VMP1: variants seen among roughly 807,000 people sequenced by gnomAD.
VMP1 encodes the protein vacuole membrane protein 1, also known as ectopic P-granules autophagy protein 3 homolog.
VMP1 carries 11 observed loss-of-function variants against 56.0 expected under a neutral mutation model. The observed-to-expected ratio is 0.20, with a 90% confidence interval of 0.12 to 0.32. The LOEUF is 0.32. Ranked by LOEUF, VMP1 falls within the 10% of genes least tolerant of loss-of-function variation. The pLI, the probability that VMP1 is intolerant of heterozygous loss-of-function variation, is 1.00. For synonymous variants in VMP1, 149 were observed against 165.0 expected, an observed-to-expected ratio of 0.90 and a Z score of 0.74; for missense variants, 296 against 490.3, an observed-to-expected ratio of 0.60 and a Z score of 3.74.
chr17:59,738,025 G>A (rs1427194294), intron 4 of VMP1, among the ~76,000 whole-genome samples: 1 of 152,054 alleles, frequency 6.6e-6, no homozygotes, highest in Non-Finnish European at 1.5e-5. Flanking sequence ...GGCTGCCTTG[G>A]CCTCCAAAAA....
At chr17:59,822,577 G>C (rs879339222) in intron 10 of VMP1, among the ~76,000 whole-genome samples, 1 of 151,540 alleles carries the variant, frequency 6.6e-6, no homozygotes, top group African/African-American at 2.4e-5. Context: ...CACCTGCCTC[G>C]GCCCACCAAA....
intron 1 of VMP1, among the ~76,000 whole-genome samples, chr17:59,716,851 G>A (rs1276417514): frequency 6.6e-6 from 1 of 151,988 alleles, no homozygotes; most frequent in East Asian, 1.9e-4. Flanking sequence ...AACTGAATGA[G>A]GAAAAAGAGA....
intron 1 of VMP1, among the ~76,000 whole-genome samples, chr17:59,726,278 CAT>C (rs1482769559): frequency 8.1e-5 from 12 of 148,620 alleles, no homozygotes; most frequent in African/African-American, 2.9e-4. Context: ...TATGAACACA[CAT>C]AGTTTTTTTT....
chr17:59,794,219 C>CTTTTTTTT (rs574035691), intron 7 of VMP1, among the ~76,000 whole-genome samples: 1 of 64,646 alleles, frequency 1.5e-5, no homozygotes, highest in African/African-American at 6.6e-5. Flanking sequence ...CGCACCCGGC[C>CTTTTTTTT]TTTTTTTTTT....
At chr17:59,711,995 A>C (rs2033951330) in intron 1 of VMP1, among the ~76,000 whole-genome samples, 1 of 152,184 alleles carries the variant, frequency 6.6e-6, no homozygotes, top group Admixed American at 6.5e-5. Flanking sequence ...TAGCTCTATT[A>C]CTATGCAACT....
At chr17:59,774,065 A>C (rs1265290566) in intron 7 of VMP1, among the ~76,000 whole-genome samples, 180 bp downstream of exon 7, 1 of 152,098 alleles carries the variant, frequency 6.6e-6, no homozygotes, top group Non-Finnish European at 1.5e-5. Context: ...GATAATCTTG[A>C]TCTTAGAATA....
chr17:59,814,158 T>C (rs2144240319), intron 9 of VMP1, among the ~76,000 whole-genome samples: 1 of 152,254 alleles, frequency 6.6e-6, no homozygotes, highest in East Asian at 1.9e-4. Context: ...TTCTGTATTT[T>C]TAGTAGAGAT....
intron 7 of VMP1, among the ~76,000 whole-genome samples, chr17:59,807,848 A>G (rs990777376): frequency 7.9e-5 from 12 of 151,638 alleles, no homozygotes; most frequent in African/African-American, 1.2e-4. Context: ...AAAAAAAAAA[A>G]AAAGAAAGTT....
chr17:59,801,091 AATAT>A (rs66523131), intron 7 of VMP1, among the ~76,000 whole-genome samples: 7 of 109,322 alleles, frequency 6.4e-5, no homozygotes, highest in Middle Eastern at 9.2e-3. Flanking sequence ...AAAAAAAAAA[AATAT>A]ATATATATAT....
Position 59,731,421 on chromosome 17 carries a change from C to T in VMP1, c.-26C>T, listed in dbSNP as rs1485723391. ...GCTGGATTTTATTTTGCTGTATTAG[C>T]TCCTCAAGAGTTACTGATCTATGAA... is the stretch of plus-strand genomic sequence containing the variant. On this transcript the variant is annotated splice_region_variant and 5_prime_UTR_variant, in exon 2 of 12. Coordinates refer to ENST00000262291, the MANE Select transcript of VMP1 (RefSeq NM_030938.5). 8 of 1,574,914 alleles carry T rather than the reference C, an allele frequency of 5.1e-6. No homozygotes were observed. In the South Asian group the frequency reaches 8.2e-5, roughly 16 times the overall value.
intron 7 of VMP1, among the ~76,000 whole-genome samples, chr17:59,797,754 C>CT (rs1211847930): frequency 1.1e-4 from 17 of 152,212 alleles, no homozygotes; most frequent in South Asian, 2.1e-4. Context: ...TGGCATGGGC[C>CT]TGTAGTCCCA....
chr17:59,811,393 C>A (rs2038046740), intron 8 of VMP1, among the ~76,000 whole-genome samples: 1 of 152,168 alleles, frequency 6.6e-6, no homozygotes, highest in Admixed American at 6.5e-5. Flanking sequence ...CACACACAAA[C>A]ACACACACAG....
chr17:59,815,083 C>A (rs1172119214), intron 9 of VMP1, among the ~76,000 whole-genome samples: 1 of 152,214 alleles, frequency 6.6e-6, no homozygotes, highest in South Asian at 2.1e-4. Flanking sequence ...AATTAGACAA[C>A]CTTCTTTAAT....
chr17:59,755,003 T>C (rs1271805807), intron 5 of VMP1, among the ~76,000 whole-genome samples: 2 of 117,058 alleles, frequency 1.7e-5, no homozygotes, highest in Admixed American at 1.2e-4. Context: ...TTTTAACAGC[T>C]CTCATAAATA....
chr17:59,715,920 T>C (rs2034133661), intron 1 of VMP1, among the ~76,000 whole-genome samples: 1 of 152,200 alleles, frequency 6.6e-6, no homozygotes, highest in South Asian at 2.1e-4. Context: ...AATTTTTCTT[T>C]TATTTTGGCC....
Position 59,724,294 on chromosome 17 carries a change from G to A in VMP1, c.-26-7127G>A, listed in dbSNP as rs563051562. On this transcript the variant is annotated intron_variant, in intron 1 of 11. Transcript: ENST00000262291. ...AAGAAAGGAAAAAGGAGGGTAAAAC[G>A]TTTTGGGAGCAAAAACAAAGAATGA... is the stretch of plus-strand genomic sequence containing the variant. Among the ~76,000 whole-genome samples the A allele has an allele frequency of 3.9e-5, 6 of 151,972 alleles. No homozygotes were observed. The East Asian group carries it at 1.2e-3, about 29-fold the overall frequency.
rs550310758 is a variant in VMP1 at position 59,757,496 on chromosome 17, CT to C, written c.415-7470del. ...AAGAATGTAAATCATGGAAATGTAA[CT>C]TTTTAAACTTATGTAAAAAGAGTTT... is the stretch of plus-strand genomic sequence containing the variant. On this transcript the variant is annotated intron_variant, in intron 5 of 11. Coordinates refer to ENST00000262291, the MANE Select transcript of VMP1 (RefSeq NM_030938.5). Among the ~76,000 whole-genome samples the C allele has an allele frequency of 9.2e-5, 14 of 152,074 alleles. No homozygotes were observed. In the East Asian group the frequency reaches 2.7e-3, roughly 29 times the overall value.
At chr17:59,782,979 A>T (rs970408684) in intron 7 of VMP1, among the ~76,000 whole-genome samples, 11 of 152,144 alleles carry the variant, frequency 7.2e-5, no homozygotes, top group Non-Finnish European at 1.0e-4. Context: ...GCGGATCACG[A>T]GGTCAGGACA....
intron 6 of VMP1, among the ~76,000 whole-genome samples, chr17:59,772,336 G>A (rs1392269874): frequency 6.6e-6 from 1 of 152,058 alleles, no homozygotes; most frequent in African/African-American, 2.4e-5. Context: ...GTAGTTACAC[G>A]TGGAAATTGT....
Sources: gnomAD v4.1 joint callset for allele counts (sites outside exome capture counted in the v4.1 genomes callset) on GRCh38, gnomAD v4.1.1 for gene constraint, MANE v1.5 for transcripts, NCBI Gene and HGNC (gene_info 2026-07-23, HGNC 2026-07-21) for gene names.